Variants in CFAP299 observed in about 807,000 individuals in gnomAD.
The protein encoded by CFAP299 is cilia and flagella associated protein 299.
A neutral mutation model predicts 27.0 loss-of-function variants in CFAP299; 21 were observed. That is an observed-to-expected ratio of 0.78 (90% confidence interval 0.55 to 1.12). The LOEUF is 1.12. CFAP299 is among the 50% of genes most tolerant of loss of function. The pLI is 0.00. For synonymous variants in CFAP299, 104 were observed against 98.1 expected, an observed-to-expected ratio of 1.06 and a Z score of -0.36; for missense variants, 310 against 276.6, an observed-to-expected ratio of 1.12 and a Z score of -0.86.
At chr4:80,542,174 A>G (rs1734027209) in intron 2 of CFAP299, among the ~76,000 whole-genome samples, 1 of 152,110 alleles carries the variant, frequency 6.6e-6, no homozygotes, top group Admixed American at 6.5e-5. Flanking sequence ...AGCGGCTCTC[A>G]GGCCTTCAAT....
chr4:80,572,507 GTTTTTTTTTTTTTT>G (rs550414533), intron 2 of CFAP299, among the ~76,000 whole-genome samples: 3 of 36,392 alleles, frequency 8.2e-5, no homozygotes, highest in Non-Finnish European at 1.0e-4. Flanking sequence ...CTGGATCCCA[GTTTTTTTTTTTTTT>G]TTTTTTTTTT....
intron 1 of CFAP299, among the ~76,000 whole-genome samples, chr4:80,345,264 C>A (rs1175866379): frequency 2.0e-5 from 3 of 151,882 alleles, no homozygotes; most frequent in African/African-American, 7.3e-5. Context: ...CCAACAGTTT[C>A]TTTTTGTTAT....
intron 2 of CFAP299, among the ~76,000 whole-genome samples, chr4:80,509,096 G>A (rs1380872684): frequency 3.9e-5 from 6 of 152,138 alleles, no homozygotes; most frequent in Non-Finnish European, 8.8e-5. Flanking sequence ...TAATGAAGGG[G>A]CAGAGAGAAG....
chr4:80,802,816 T>C lies in CFAP299; in HGVS notation c.334-67177T>C, dbSNP rs148913966. On this transcript the variant is annotated intron_variant, in intron 3 of 5. Transcript: ENST00000358105. ...CATCAATAATACAATATGTAAGAAA[T>C]TGCATTCCATATTGTGACACTTGCA... Among the ~76,000 whole-genome samples the C allele has an allele frequency of 9.3e-3, 1,413 of 152,142 alleles. 18 individuals carry two copies. Among genetic ancestry groups the C allele is most frequent in the South Asian group, 0.059 (287 of 4,826 alleles).
chr4:80,631,132 C>G (rs1269905473), intron 3 of CFAP299, among the ~76,000 whole-genome samples: 2 of 151,954 alleles, frequency 1.3e-5, no homozygotes, highest in Non-Finnish European at 2.9e-5. Context: ...ATTAAGCTGT[C>G]ATAGTCACTA....
At chr4:80,554,620 T>C (rs1431222788) in intron 2 of CFAP299, among the ~76,000 whole-genome samples, 2 of 151,458 alleles carry the variant, frequency 1.3e-5, no homozygotes, top group African/African-American at 2.4e-5. Context: ...ATTGATTCTT[T>C]CTATCCATAA....
intron 3 of CFAP299, among the ~76,000 whole-genome samples, chr4:80,695,630 A>G (rs947497395): frequency 6.6e-6 from 1 of 151,898 alleles, no homozygotes; most frequent in African/African-American, 2.4e-5. Context: ...ATGCTCTACT[A>G]CAGTACAAAA....
intron 4 of CFAP299, among the ~76,000 whole-genome samples, chr4:80,877,590 C>A (rs1733468654): frequency 6.6e-6 from 1 of 152,102 alleles, no homozygotes; most frequent in South Asian, 2.1e-4. Context: ...TCTCACAAAA[C>A]CTCTAGTTTA....
intron 3 of CFAP299, among the ~76,000 whole-genome samples, chr4:80,609,639 A>AT (rs1054307227): frequency 2.6e-5 from 4 of 151,982 alleles, no homozygotes; most frequent in Non-Finnish European, 4.4e-5. Flanking sequence ...GGAACATATG[A>AT]TTTTTTTCAT....
At chr4:80,530,865 C>T (rs911529136) in intron 2 of CFAP299, among the ~76,000 whole-genome samples, 7 of 152,064 alleles carry the variant, frequency 4.6e-5, no homozygotes, top group African/African-American at 7.2e-5. Flanking sequence ...TTCAAGGAGT[C>T]CTAGCATGGA....
At chr4:80,367,878 G>T (rs1438989327) in intron 2 of CFAP299, among the ~76,000 whole-genome samples, 1 of 152,180 alleles carries the variant, frequency 6.6e-6, no homozygotes, top group East Asian at 1.9e-4. Context: ...AAGTTCAGCT[G>T]ATTGCCATGT....
intron 3 of CFAP299, among the ~76,000 whole-genome samples, chr4:80,727,475 T>A (rs2110051787): frequency 6.6e-6 from 1 of 152,186 alleles, no homozygotes; most frequent in Admixed American, 6.5e-5. Flanking sequence ...ATGAAAGCCA[T>A]GTAAAGGTGG....
chr4:80,363,492 G>A (rs1161577656), intron 2 of CFAP299, among the ~76,000 whole-genome samples: 1 of 152,066 alleles, frequency 6.6e-6, no homozygotes, highest in African/African-American at 2.4e-5. Flanking sequence ...TTTTAAAAGT[G>A]GATCATTAAA....
chr4:80,858,374 A>G (rs1309583899), intron 3 of CFAP299, among the ~76,000 whole-genome samples: 1 of 151,906 alleles, frequency 6.6e-6, no homozygotes, highest in Non-Finnish European at 1.5e-5. Flanking sequence ...GGATTCATTA[A>G]TTTTTTGAAG....
At chr4:80,744,349 C>G (rs1047548833) in intron 3 of CFAP299, among the ~76,000 whole-genome samples, 3 of 148,922 alleles carry the variant, frequency 2.0e-5, no homozygotes, top group Admixed American at 1.4e-4. Context: ...TCATTTGCAG[C>G]TCTCCTCCAA....
At chr4:80,608,390 A>AC in intron 3 of CFAP299, 1 of 1,519,458 alleles carries the variant, frequency 6.6e-7, no homozygotes, top group Admixed American at 2.0e-5. Context: ...GGCAGTAAGT[A>AC]CTGCTTATGG....
intron 1 of CFAP299, among the ~76,000 whole-genome samples, chr4:80,356,222 T>C (rs1400102643): frequency 6.6e-6 from 1 of 152,216 alleles, no homozygotes; most frequent in Non-Finnish European, 1.5e-5. Flanking sequence ...ACCAGTACCA[T>C]GCTGTTTCGG....
chr4:80,689,338 G>A lies in CFAP299; in HGVS notation c.333+106155G>A, dbSNP rs577249692. Among the ~76,000 whole-genome samples, 769 of 152,306 alleles carry A rather than the reference G, an allele frequency of 5.0e-3. 5 individuals carry two copies. Among genetic ancestry groups the A allele is most frequent in the Middle Eastern group, 0.02 (6 of 294 alleles). ...AGGGAAGCCCATCAGACTAACAGCG[G>A]ATCTCTCGGCAGAAACTCTACAAGC... On this transcript the variant is annotated intron_variant, in intron 3 of 5. Transcript: ENST00000358105.
chr4:80,757,159 T>G (rs946788251), intron 3 of CFAP299, among the ~76,000 whole-genome samples: 1 of 152,132 alleles, frequency 6.6e-6, no homozygotes, highest in African/African-American at 2.4e-5. Flanking sequence ...AGTTTGATTT[T>G]TCTTTTGTTC....
Sources: allele counts gnomAD v4.1 joint callset (sites outside exome capture counted in the v4.1 genomes callset), GRCh38; gene constraint gnomAD v4.1.1; transcripts MANE v1.5; gene names NCBI Gene and HGNC (gene_info 2026-07-23, HGNC 2026-07-21).